Variants in TAFA1 observed in about 807,000 individuals in gnomAD.
The protein encoded by TAFA1 is TAFA chemokine like family member 1.
In TAFA1, 4 loss-of-function variants were observed where a neutral mutation model predicts 18.5. That is an observed-to-expected ratio of 0.22 (90% confidence interval 0.11 to 0.49). The LOEUF (loss-of-function observed/expected upper bound fraction) is 0.49, where lower values mean the gene tolerates loss of function less well. Ranked by LOEUF, TAFA1 falls within the 20% of genes least tolerant of loss-of-function variation. The pLI is 0.98. For synonymous variants in TAFA1, 56 were observed against 55.2 expected, an observed-to-expected ratio of 1.01 and a Z score of -0.06; for missense variants, 147 against 169.0, an observed-to-expected ratio of 0.87 and a Z score of 0.72.
In TAFA1 at chr3:68,441,619, C is replaced by T. The variant is rs375525786; in HGVS notation, c.259+24199C>T. Among the ~76,000 whole-genome samples the T allele has an allele frequency of 1.2e-3, 187 of 152,214 alleles. 7 individuals carry two copies. The South Asian group carries it at 0.036, about 30-fold the overall frequency. On this transcript the variant is annotated intron_variant, in intron 3 of 4. Coordinates refer to ENST00000478136, the MANE Select transcript of TAFA1 (RefSeq NM_213609.4). The stretch of plus-strand genomic sequence containing the variant: ...CATCATCAAATAGAATTGATATATA[C>T]ATGATCGGGCTCGAGAAGGTCCTGA...
At chr3:68,269,525 G>A (rs2067619622) in intron 2 of TAFA1, among the ~76,000 whole-genome samples, 1 of 152,174 alleles carries the variant, frequency 6.6e-6, no homozygotes, top group South Asian at 2.1e-4. Flanking sequence ...CTGAGACTTT[G>A]CCTTTCTATG....
chr3:68,084,025 C>A (rs2064940081), intron 2 of TAFA1, among the ~76,000 whole-genome samples: 1 of 152,174 alleles, frequency 6.6e-6, no homozygotes, highest in Non-Finnish European at 1.5e-5. Flanking sequence ...GCTCATTCCT[C>A]TGTAAGCAAT....
intron 2 of TAFA1, among the ~76,000 whole-genome samples, chr3:68,410,792 A>G (rs903716073): frequency 6.6e-6 from 1 of 151,494 alleles, no homozygotes; most frequent in African/African-American, 2.4e-5. Context: ...ACCATAGATC[A>G]TCTTGAAATC....
intron 2 of TAFA1, among the ~76,000 whole-genome samples, chr3:68,045,121 G>A (rs958381293): frequency 9.9e-5 from 15 of 152,134 alleles, no homozygotes; most frequent in South Asian, 2.1e-4. Context: ...CCAGTTAGCT[G>A]AGGTCTGGGT....
chr3:68,483,299 G>GAGTCTACA (rs11283655), intron 3 of TAFA1, among the ~76,000 whole-genome samples: 118,199 of 151,402 alleles, frequency 0.78, 46,481 homozygotes, highest in African/African-American at 0.88. Context: ...TGTTGACCAA[G>GAGTCTACA]TATGGTCTCT....
intron 2 of TAFA1, among the ~76,000 whole-genome samples, chr3:68,293,065 T>G (rs957070378): frequency 3.9e-5 from 6 of 152,194 alleles, no homozygotes; most frequent in Admixed American, 6.5e-5. Flanking sequence ...GCCTTAGGTT[T>G]GTACTAACAG....
intron 2 of TAFA1, among the ~76,000 whole-genome samples, chr3:68,015,814 A>G (rs986341379): frequency 2.6e-5 from 4 of 152,204 alleles, no homozygotes; most frequent in African/African-American, 9.6e-5. Flanking sequence ...CATTTTGTCT[A>G]TGAATAAAGG....
chr3:68,243,440 G>C (rs1029145335), intron 2 of TAFA1, among the ~76,000 whole-genome samples: 1 of 151,908 alleles, frequency 6.6e-6, no homozygotes. Context: ...GCTTCCTTAA[G>C]CTACCCCTTC....
intron 2 of TAFA1, among the ~76,000 whole-genome samples, chr3:68,305,533 A>C (rs2068401595): frequency 6.8e-6 from 1 of 146,752 alleles, no homozygotes; most frequent in African/African-American, 2.5e-5. Context: ...GGTAAGGGAG[A>C]ATTCCTTGAA....
chr3:68,192,645 A>G (rs1358262499), intron 2 of TAFA1: 1 of 151,864 alleles, frequency 6.6e-6, no homozygotes, highest in Non-Finnish European at 1.5e-5. Flanking sequence ...TTGAATAATA[A>G]TCATTTATCC....
intron 2 of TAFA1, among the ~76,000 whole-genome samples, chr3:68,300,550 A>G (rs2068284864): frequency 6.6e-6 from 1 of 152,060 alleles, no homozygotes; most frequent in African/African-American, 2.4e-5. Context: ...GCTGGAATGA[A>G]GTTATACTTT....
chr3:68,374,482 CA>C (rs2069770394), intron 2 of TAFA1, among the ~76,000 whole-genome samples: 1 of 152,244 alleles, frequency 6.6e-6, no homozygotes, highest in Non-Finnish European at 1.5e-5. Flanking sequence ...TGTGTACAAT[CA>C]AATGCAAAGG....
intron 2 of TAFA1, among the ~76,000 whole-genome samples, chr3:68,267,767 C>T (rs2067577255): frequency 1.3e-5 from 2 of 152,060 alleles, no homozygotes; most frequent in South Asian, 4.2e-4. Flanking sequence ...TGACTCTATG[C>T]ATGTTGTAAC....
chr3:68,475,137 C>A (rs761396051), intron 3 of TAFA1, among the ~76,000 whole-genome samples: 3 of 151,036 alleles, frequency 2.0e-5, no homozygotes, highest in Non-Finnish European at 4.4e-5. Context: ...ATGCTGGCTT[C>A]TATTTTTTTT....
At chr3:68,446,105 C>T (rs1421102777) in intron 3 of TAFA1, among the ~76,000 whole-genome samples, 1 of 152,002 alleles carries the variant, frequency 6.6e-6, no homozygotes, top group African/African-American at 2.4e-5. Flanking sequence ...TGGGGTCTTG[C>T]TATGTTGCTC....
chr3:68,289,558 CT>C lies in TAFA1; in HGVS notation c.119-127720del, dbSNP rs982977777. 1.8e-3 allele frequency among the ~76,000 whole-genome samples: 206 copies of C among 114,880 alleles called. 1 individual carries two copies. Among genetic ancestry groups the C allele is most frequent in the African/African-American group, 6.9e-3 (200 of 29,020 alleles). 75.4% of individuals were successfully genotyped at this position (114,880 alleles called of 152,430 possible). A position where few individuals can be genotyped will look rare whatever the true frequency, so the allele number is the denominator to read the frequency against. ...CTAGCTGCTATTTTATAAAGACCTT[CT>C]TCTCTGCTTTGTGGACCAAAGTTGA... On this transcript the variant is annotated intron_variant, in intron 2 of 4. Transcript: ENST00000478136.
intron 2 of TAFA1, among the ~76,000 whole-genome samples, chr3:68,034,331 T>A (rs967944866): frequency 1.3e-5 from 2 of 152,200 alleles, no homozygotes; most frequent in Non-Finnish European, 2.9e-5. Flanking sequence ...CAGGCACTAC[T>A]CTAGTCTCCT....
intron 2 of TAFA1, among the ~76,000 whole-genome samples, chr3:68,364,147 A>G (rs2069524252): frequency 6.6e-6 from 1 of 152,210 alleles, no homozygotes; most frequent in African/African-American, 2.4e-5. Flanking sequence ...GTGTAAGTGA[A>G]GGCCTTGTTG....
rs565077626 is a variant in TAFA1 at position 68,366,997 on chromosome 3, C to A, written c.119-50283C>A. Reference sequence around the variant, plus strand: ...TCCAGAACTGACTGTCCTTACCCCCCAGTTCTAAGTTAACCATAGTTTTCC... The same window carrying A: ...TCCAGAACTGACTGTCCTTACCCCCAAGTTCTAAGTTAACCATAGTTTTCC... On this transcript the variant is annotated intron_variant, in intron 2 of 4. Coordinates refer to ENST00000478136, the MANE Select transcript of TAFA1 (RefSeq NM_213609.4). Among the ~76,000 whole-genome samples, 7 of 152,308 alleles carry A rather than the reference C, an allele frequency of 4.6e-5. No homozygotes were observed. In the South Asian group the frequency reaches 1.4e-3, roughly 32 times the overall value.
Sources: gnomAD v4.1 joint callset for allele counts (sites outside exome capture counted in the v4.1 genomes callset) on GRCh38, gnomAD v4.1.1 for gene constraint, MANE v1.5 for transcripts, NCBI Gene and HGNC (gene_info 2026-07-23, HGNC 2026-07-21) for gene names.